COBL: variants seen among roughly 807,000 people sequenced by gnomAD.
COBL encodes the protein cordon-bleu WH2 repeat protein.
In COBL, 51 loss-of-function variants were observed where a neutral mutation model predicts 98.8. The observed-to-expected ratio is 0.52, with a 90% CI of 0.41 to 0.65. COBL has a LOEUF of 0.65. COBL is among the 30% of genes least tolerant of loss of function. COBL has a pLI of 0.00. For missense variants in COBL, 1,617 were observed against 1,617.5 expected (o/e 1.00, Z 0.01); for synonymous variants, 634 against 651.7 (o/e 0.97, Z 0.41).
At chr7:51,209,405 T>A (rs911438668) in intron 2 of COBL, among the ~76,000 whole-genome samples, 3 of 152,186 alleles carry the variant, frequency 2.0e-5, no homozygotes, top group Non-Finnish European at 4.4e-5. Flanking sequence ...TGGGAGCACC[T>A]GGTGCGGCCT....
chr7:51,113,714 TCTCTTCCATATCAGAAATGTGTTATTTG>T (rs1046292422), intron 6 of COBL, among the ~76,000 whole-genome samples: 8 of 152,356 alleles, frequency 5.3e-5, no homozygotes, highest in African/African-American at 1.9e-4. Flanking sequence ...GGAATAAATT[TCTCTTCCATATCAGAAATGTGTTATTTG>T]CTGTTCTCAG....
intron 5 of COBL, among the ~76,000 whole-genome samples, chr7:51,178,291 TGATA>T (rs1175722388): frequency 6.6e-6 from 1 of 151,886 alleles, no homozygotes; most frequent in Non-Finnish European, 1.5e-5. Context: ...AATACAAAAA[TGATA>T]GATAAAACTA....
chr7:51,078,302 C>G (rs1793288678), intron 7 of COBL, among the ~76,000 whole-genome samples: 2 of 152,206 alleles, frequency 1.3e-5, no homozygotes, highest in Non-Finnish European at 2.9e-5. Flanking sequence ...GAGATAGTCT[C>G]TCTTCCTCTT....
intron 7 of COBL, among the ~76,000 whole-genome samples, chr7:51,070,167 G>A (rs1468341123): frequency 6.6e-6 from 1 of 151,980 alleles, no homozygotes; most frequent in African/African-American, 2.4e-5. Flanking sequence ...TCGGCAAAAG[G>A]GTTACCAATT....
rs890675593 is a variant in COBL at position 51,243,587 on chromosome 7, G to A, written c.42-23643C>T. Among the ~76,000 whole-genome samples the A allele has an allele frequency of 4.6e-5, 7 of 152,112 alleles. No individual in the cohort carries two copies. The South Asian group carries it at 1.5e-3, about 32-fold the overall frequency. Reference sequence around the variant, plus strand: ...GGCTAGCCCTCAGCAGGAAAAAGGAGGCAACATAGCAAGCTGGGTGGAGCC... The same window carrying A: ...GGCTAGCCCTCAGCAGGAAAAAGGAAGCAACATAGCAAGCTGGGTGGAGCC... On this transcript the variant is annotated intron_variant, in intron 1 of 12. Transcript: ENST00000265136.
intron 2 of COBL, among the ~76,000 whole-genome samples, chr7:51,217,310 T>C (rs1245988738): frequency 6.6e-6 from 1 of 151,828 alleles, no homozygotes; most frequent in Non-Finnish European, 1.5e-5. Context: ...AATTAAGACA[T>C]GATCCACAAT....
rs548827993 is a variant in COBL at position 51,256,804 on chromosome 7, T to C, written c.42-36860A>G. 1.4e-4 allele frequency among the ~76,000 whole-genome samples: 22 copies of C among 152,362 alleles called. 2 individuals carry two copies. In the South Asian group the frequency reaches 4.6e-3, roughly 32 times the overall value. ...GTTTTATTACCTCACTATATTGTTT[T>C]ACTCAAAAATATTTCCTGTCTGACA... On this transcript the variant is annotated intron_variant, in intron 1 of 12. Coordinates refer to ENST00000265136, the MANE Select transcript of COBL (RefSeq NM_015198.5).
At chr7:51,052,608 T>C (rs1471845443) in intron 7 of COBL, among the ~76,000 whole-genome samples, 2 of 152,196 alleles carry the variant, frequency 1.3e-5, no homozygotes, top group Non-Finnish European at 2.9e-5. Flanking sequence ...TGTCTCCAGG[T>C]TGTCTATCTA....
intron 1 of COBL, among the ~76,000 whole-genome samples, chr7:51,230,917 G>A (rs1794682000): frequency 6.6e-6 from 1 of 152,220 alleles, no homozygotes; most frequent in Non-Finnish European, 1.5e-5. Flanking sequence ...AAAAGAGGAA[G>A]TCACACAAGA....
chr7:51,237,552 A>AC (rs1478000156), intron 1 of COBL, among the ~76,000 whole-genome samples: 2 of 151,354 alleles, frequency 1.3e-5, no homozygotes, highest in East Asian at 1.9e-4. Context: ...AAAAAAAAAA[A>AC]AAAACTTCCA....
chr7:51,269,423 G>A (rs1031923070), intron 1 of COBL, among the ~76,000 whole-genome samples: 1 of 152,204 alleles, frequency 6.6e-6, no homozygotes, highest in Non-Finnish European at 1.5e-5. Flanking sequence ...CGTGCTGCTG[G>A]TAAGTGGCAC....
rs528601904 is a variant in COBL, at chr7:51,025,372, C to A, written c.3505G>T (p.Val1169Leu). Residue 1169 changes from valine to leucine, a missense_variant and splice_region_variant, in exon 12 of 13, where the codon GTG (valine) becomes TTG (leucine). Val to Leu is a conservative substitution (Grantham distance 32). This residue lies in a region of COBL where 1,304 missense variants were observed against 1,282.0 expected (regional missense o/e 1.02). Coordinates refer to ENST00000265136, the MANE Select transcript of COBL (RefSeq NM_015198.5). ...GHSGTCSLRK[V>L]ASSASEELQS... ...AGCTCCTCAGAAGCAGAGGATGCCACCTGGCAATGAGATGATTAAATGACT... is the reference window on the plus strand; with the variant it reads ...AGCTCCTCAGAAGCAGAGGATGCCAACTGGCAATGAGATGATTAAATGACT... The A allele has an allele frequency of 3.1e-6, 5 of 1,613,136 alleles. No individual in the cohort carries two copies. The African/African-American group carries it at 6.7e-5, about 22-fold the overall frequency.
intron 5 of COBL, among the ~76,000 whole-genome samples, chr7:51,170,292 T>C (rs1455365634): frequency 6.6e-6 from 1 of 151,944 alleles, no homozygotes; most frequent in Non-Finnish European, 1.5e-5. Flanking sequence ...ATACCATGCT[T>C]CGATATACAA....
At chr7:51,168,343 G>A (rs1787526265) in intron 5 of COBL, among the ~76,000 whole-genome samples, 1 of 152,106 alleles carries the variant, frequency 6.6e-6, no homozygotes, top group African/African-American at 2.4e-5. Flanking sequence ...GGCTGAGGCA[G>A]GAGAATCACT....
intron 5 of COBL, among the ~76,000 whole-genome samples, chr7:51,145,845 G>T (rs991982634): frequency 6.6e-6 from 1 of 152,088 alleles, no homozygotes; most frequent in East Asian, 1.9e-4. Context: ...TGTGTGAAGC[G>T]GTGTCTCACT....
intron 7 of COBL, among the ~76,000 whole-genome samples, chr7:51,057,843 C>G (rs1221227112): frequency 6.6e-6 from 1 of 152,142 alleles, no homozygotes; most frequent in African/African-American, 2.4e-5. Flanking sequence ...GATGCTGTCC[C>G]CTTGCGAGGC....
chr7:51,072,157 T>C (rs1302364480), intron 7 of COBL: 1 of 152,214 alleles, frequency 6.6e-6, no homozygotes, highest in Non-Finnish European at 1.5e-5. Flanking sequence ...TTTTTTTTTT[T>C]TCCATTTTGA....
intron 6 of COBL, among the ~76,000 whole-genome samples, chr7:51,122,189 C>G (rs971614879): frequency 2.0e-5 from 3 of 152,296 alleles, no homozygotes; most frequent in African/African-American, 7.2e-5. Context: ...CCACAAGTGT[C>G]AGAGAGGAAA....
intron 5 of COBL, among the ~76,000 whole-genome samples, chr7:51,177,664 T>C (rs554480939): frequency 4.9e-4 from 75 of 151,868 alleles, no homozygotes; most frequent in African/African-American, 1.7e-3. Flanking sequence ...TCCCAGCTAC[T>C]TGAGAGGCTG....
Sources: allele counts gnomAD v4.1 joint callset (sites outside exome capture counted in the v4.1 genomes callset), GRCh38; gene constraint gnomAD v4.1.1; regional missense constraint gnomAD v4.1.1; transcripts MANE v1.5; gene names NCBI Gene and HGNC (gene_info 2026-07-23, HGNC 2026-07-21).